The following OSBPL9 variants were observed in gnomAD, a reference collection of about 807,000 sequenced individuals.
OSBPL9 encodes the protein oxysterol binding protein like 9.
A neutral mutation model predicts 106.6 loss-of-function variants in OSBPL9; 40 were observed. That is an observed-to-expected ratio of 0.38 (90% CI 0.29 to 0.49). The LOEUF is 0.49. Among genes scored for constraint, OSBPL9 ranks in the 20% least tolerant of loss-of-function variants. The probability of loss-of-function intolerance (pLI) is 0.97; values close to 1 mark genes in which losing one functional copy is unlikely to be tolerated. For missense variants in OSBPL9, 609 were observed against 887.2 expected (o/e 0.69, Z 3.98); for synonymous variants, 269 against 295.4 (o/e 0.91, Z 0.92).
chr1:51,535,424 A>G, the OSBPL9 span, among the ~76,000 whole-genome samples: 1 of 152,112 alleles, frequency 6.6e-6, no homozygotes, highest in Admixed American at 6.6e-5. Context: ...TTCTGTCTTT[A>G]AAGAGCTATC....
At chr1:51,739,732 C>A (rs1447921422) in intron 4 of OSBPL9, among the ~76,000 whole-genome samples, 2 of 151,972 alleles carry the variant, frequency 1.3e-5, no homozygotes, top group African/African-American at 4.8e-5. Flanking sequence ...CTTCTAAGTC[C>A]TGTTCTTCCC....
At chr1:51,530,193 C>CAAAAAAAAAAAAAA in the OSBPL9 span, among the ~76,000 whole-genome samples, 4 of 55,634 alleles carry the variant, frequency 7.2e-5, no homozygotes, top group Non-Finnish European at 9.9e-5. Flanking sequence ...AAAAAAAAAA[C>CAAAAAAAAAAAAAA]AAAAAAAAAA....
At chr1:51,779,351 T>C (rs928337178) in intron 15 of OSBPL9, among the ~76,000 whole-genome samples, 2 of 152,176 alleles carry the variant, frequency 1.3e-5, no homozygotes, top group Admixed American at 1.3e-4. Flanking sequence ...AAGCCACATG[T>C]AGAAGAATGA....
At chr1:51,539,191 A>G in the OSBPL9 span, among the ~76,000 whole-genome samples, 7 of 152,206 alleles carry the variant, frequency 4.6e-5, no homozygotes, top group Non-Finnish European at 8.8e-5. Flanking sequence ...TAACATATCT[A>G]AAATAGAACT....
chr1:51,669,440 G>A lies in OSBPL9; in HGVS notation c.169G>A (p.Val57Met). Residue 57 changes from valine (V) to methionine (M), a missense_variant, in exon 3 of 24, where the codon GTG (valine) becomes ATG (methionine). By Grantham distance (21) the Val-to-Met change is conservative (BLOSUM62 1). Around this residue, in one of 5 missense-constraint regions of OSBPL9, gnomAD observed 72 missense variants for 140.5 expected, o/e 0.51. Transcript: ENST00000428468. ...RRGCVRLRGA[V>M]IGIDDEDDST... ...TTTGCTCTTTGTTTCACAGGGAGCT[G>A]TGATTGGTATAGACGATGAGGACGA... is the stretch of plus-strand genomic sequence containing the variant. 2 of 1,613,910 alleles carry A rather than the reference G, an allele frequency of 1.2e-6. No individual in the cohort carries two copies. The highest frequency in any genetic ancestry group is 1.7e-6 in the Non-Finnish European group (2 of 1,179,886).
the OSBPL9 span, among the ~76,000 whole-genome samples, chr1:51,520,993 C>T: frequency 3.9e-5 from 6 of 152,188 alleles, no homozygotes; most frequent in African/African-American, 1.2e-4. Flanking sequence ...GTGTTTCTAC[C>T]GGTGTTTTCT....
chr1:51,612,395 C>A (rs1026836565), upstream of OSBPL9, among the ~76,000 whole-genome samples: 3 of 152,150 alleles, frequency 2.0e-5, no homozygotes, highest in Non-Finnish European at 2.9e-5. Flanking sequence ...TGATGTTTTA[C>A]GGTTAACATT....
intron 2 of OSBPL9, among the ~76,000 whole-genome samples, chr1:51,609,840 T>C (rs1471102128): frequency 6.6e-6 from 1 of 151,342 alleles, no homozygotes; most frequent in Non-Finnish European, 1.5e-5. Context: ...CTCCACCTCC[T>C]GGGTTCAAGC....
chr1:51,604,375 A>G (rs1422291677), intron 2 of OSBPL9, among the ~76,000 whole-genome samples: 1 of 151,896 alleles, frequency 6.6e-6, no homozygotes, highest in Non-Finnish European at 1.5e-5. Context: ...GACCAACATG[A>G]TGAAACCCCG....
chr1:51,641,910 T>C (rs1271815896), intron 1 of OSBPL9, among the ~76,000 whole-genome samples: 1 of 152,194 alleles, frequency 6.6e-6, no homozygotes, highest in Non-Finnish European at 1.5e-5. Flanking sequence ...ACAGTATTGA[T>C]TAGAATGTTT....
At chr1:51,531,330 T>TG in the OSBPL9 span, among the ~76,000 whole-genome samples, 1 of 152,026 alleles carries the variant, frequency 6.6e-6, no homozygotes, top group African/African-American at 2.4e-5. Context: ...TGGACTATTG[T>TG]GGGGAAATAA....
intron 3 of OSBPL9, among the ~76,000 whole-genome samples, chr1:51,713,396 C>T (rs911676547): frequency 3.3e-5 from 5 of 152,000 alleles, no homozygotes; most frequent in South Asian, 2.1e-4. Context: ...GTGATCCGCC[C>T]GCCTCAGCCT....
intron 2 of OSBPL9, among the ~76,000 whole-genome samples, chr1:51,652,644 A>AT (rs1377774408): frequency 6.6e-6 from 1 of 152,232 alleles, no homozygotes; most frequent in Non-Finnish European, 1.5e-5. Context: ...CATACTAACT[A>AT]TTCAAAATCC....
intron 11 of OSBPL9, 100 bp from the exon 12 acceptor site, chr1:51,765,722 C>T: frequency 5.2e-6 from 6 of 1,144,400 alleles, no homozygotes; most frequent in East Asian, 2.6e-5. Flanking sequence ...CAAACTTAAC[C>T]AAACTCTTTT....
rs1268171856 is a variant in OSBPL9 at position 51,772,349 on chromosome 1, T to TA, written c.1051+174dup. On this transcript the variant is annotated intron_variant, in intron 13 of 23. Coordinates refer to ENST00000428468, the MANE Select transcript of OSBPL9 (RefSeq NM_024586.6). ...CAACATGGTGAAACCCCATCTCTAC[T>TA]AAAAAAATACAAAAAATTAGCTGGG... 3.9e-5 allele frequency among the ~76,000 whole-genome samples: 6 copies of TA among 152,150 alleles called. No individual in the cohort carries two copies. In the East Asian group the frequency reaches 9.7e-4, roughly 24 times the overall value.
rs1452173674 is a variant in OSBPL9 at position 51,729,248 on chromosome 1, C to G, written c.318+15169C>G. On this transcript the variant is annotated intron_variant, in intron 4 of 23. Transcript: ENST00000428468. This position sits in a 1 kb window ranked among gnomAD's most constrained non-coding sequence, Gnocchi z 5.1. ...TACCGATATAGTATCTCCTCCTCCC[C>G]TCACTCCATCAACCCCCACGCGACA... is the stretch of plus-strand genomic sequence containing the variant. 1 of 152,436 alleles carries G rather than the reference C, an allele frequency of 6.6e-6. No individual in the cohort carries two copies. Among genetic ancestry groups the G allele is most frequent in the Non-Finnish European group, 1.5e-5 (1 of 68,214 alleles). The allele number at this position is 152,436 out of a possible 1,614,324, so 9.4% of individuals were successfully genotyped here.
intron 14 of OSBPL9, 27 bp from the exon 15 acceptor site, chr1:51,776,806 C>T: frequency 7.1e-7 from 1 of 1,399,188 alleles, no homozygotes; most frequent in South Asian, 1.2e-5. Flanking sequence ...ATTTGATCTT[C>T]AAGGGTCAAA....
the OSBPL9 span, among the ~76,000 whole-genome samples, chr1:51,560,467 A>G: frequency 2.0e-4 from 30 of 152,354 alleles, no homozygotes; most frequent in South Asian, 1.4e-3. Context: ...ATGTAGGTAA[A>G]GCACTCACCC....
intron 4 of OSBPL9, among the ~76,000 whole-genome samples, chr1:51,731,239 C>A (rs1664321759): frequency 6.6e-6 from 1 of 151,382 alleles, no homozygotes; most frequent in Non-Finnish European, 1.5e-5. Context: ...AGCTGGAGAC[C>A]AGCCTGGGCA....
Sources: allele counts gnomAD v4.1 joint callset (sites outside exome capture counted in the v4.1 genomes callset), GRCh38; gene constraint gnomAD v4.1.1; regional missense constraint gnomAD v4.1.1; non-coding constraint Gnocchi (gnomAD v3.1); transcripts MANE v1.5; gene names NCBI Gene and HGNC (gene_info 2026-07-23, HGNC 2026-07-21).